The following DCHS2 variants were observed in gnomAD, a reference collection of about 807,000 sequenced individuals.
The protein encoded by DCHS2 is protocadherin-23.
A neutral mutation model predicts 182.4 loss-of-function variants in DCHS2; 142 were observed. The ratio of observed to expected loss-of-function variants is 0.78; its 90% CI spans 0.68 to 0.89. The LOEUF (loss-of-function observed/expected upper bound fraction) is 0.89. Among genes scored for constraint, DCHS2 ranks in the 40% least tolerant of loss-of-function variants. The probability of loss-of-function intolerance (pLI) is 0.00; values close to 1 mark genes in which losing one functional copy is unlikely to be tolerated. For synonymous variants in DCHS2, 1,740 were observed against 1,663.3 expected (o/e 1.05, Z -1.12); for missense variants, 4,319 against 4,198.6 (o/e 1.03, Z -0.79).
chr4:154,382,347 A>C (rs1031833025), intron 1 of DCHS2, among the ~76,000 whole-genome samples: 4 of 152,004 alleles, frequency 2.6e-5, no homozygotes, highest in African/African-American at 9.7e-5. Flanking sequence ...CAAATATTTA[A>C]ATGGATTAAA....
chr4:154,266,566 G>C (rs774812872), intron 14 of DCHS2, among the ~76,000 whole-genome samples: 4 of 150,730 alleles, frequency 2.7e-5, no homozygotes, highest in Non-Finnish European at 5.9e-5. Flanking sequence ...TGATGCAGGA[G>C]AATCGCTTGA....
intron 13 of DCHS2, among the ~76,000 whole-genome samples, chr4:154,280,411 A>G (rs898419676): frequency 1.3e-5 from 2 of 152,154 alleles, no homozygotes; most frequent in African/African-American, 2.4e-5. Context: ...TCAGACAAAG[A>G]TACTAAAAAG....
chr4:154,388,930 A>G (rs945568767), intron 1 of DCHS2, among the ~76,000 whole-genome samples: 1 of 152,160 alleles, frequency 6.6e-6, no homozygotes. Flanking sequence ...TCTTCACAGT[A>G]CTGGGTTCTT....
intron 2 of DCHS2, 53 bp from the exon 3 acceptor site, chr4:154,366,494 T>C (rs1730368932): frequency 2.5e-6 from 3 of 1,201,592 alleles, no homozygotes; most frequent in Admixed American, 1.9e-5. Flanking sequence ...AACACTAGGA[T>C]GTAGAATAAT....
At chr4:154,312,959 T>G (rs1735722228) in intron 10 of DCHS2, among the ~76,000 whole-genome samples, 1 of 152,184 alleles carries the variant, frequency 6.6e-6, no homozygotes, top group South Asian at 2.1e-4. Context: ...TGGCTCCAAG[T>G]GTAGACTTAG....
intron 1 of DCHS2, among the ~76,000 whole-genome samples, chr4:154,487,983 G>A (rs1728647036): frequency 6.6e-6 from 1 of 152,102 alleles, no homozygotes; most frequent in Non-Finnish European, 1.5e-5. Context: ...TTCGAGACCA[G>A]CCTGGGGAAC....
At chr4:154,303,823 T>C (rs952349660) in intron 12 of DCHS2, among the ~76,000 whole-genome samples, 1 of 152,176 alleles carries the variant, frequency 6.6e-6, no homozygotes, top group Non-Finnish European at 1.5e-5. Flanking sequence ...TGTAAATGAT[T>C]CTTATCCACA....
intron 15 of DCHS2, among the ~76,000 whole-genome samples, chr4:154,258,387 T>TTTC (rs2111165646): frequency 6.8e-6 from 1 of 146,674 alleles, no homozygotes; most frequent in African/African-American, 2.5e-5. Context: ...TTTTTTTTTT[T>TTTC]TTTTTGTGAG....
intron 1 of DCHS2, among the ~76,000 whole-genome samples, chr4:154,478,424 C>T (rs1012734281): frequency 1.3e-5 from 2 of 152,086 alleles, no homozygotes; most frequent in African/African-American, 4.8e-5. Flanking sequence ...AAGCATTCAA[C>T]TTTTTACAAG....
intron 16 of DCHS2, among the ~76,000 whole-genome samples, chr4:154,252,529 C>G (rs919767622): frequency 1.3e-5 from 2 of 151,924 alleles, no homozygotes; most frequent in African/African-American, 4.8e-5. Flanking sequence ...TACTCCCTAT[C>G]TGCTTGAGTT....
chr4:154,421,401 A>AATTT (rs776222808), intron 1 of DCHS2, among the ~76,000 whole-genome samples: 54 of 151,710 alleles, frequency 3.6e-4, no homozygotes, highest in African/African-American at 1.3e-3. Context: ...AATTTAATTT[A>AATTT]ATTTATTTAT....
intron 1 of DCHS2, among the ~76,000 whole-genome samples, chr4:154,469,434 A>T (rs988619097): frequency 3.9e-5 from 6 of 152,198 alleles, no homozygotes; most frequent in Non-Finnish European, 8.8e-5. Flanking sequence ...GATTTTCCCC[A>T]TATTAAGACC....
At chr4:154,351,744 G>T (rs372934264) in intron 3 of DCHS2, among the ~76,000 whole-genome samples, 1 of 152,050 alleles carries the variant, frequency 6.6e-6, no homozygotes, top group East Asian at 1.9e-4. Context: ...TCTCCTGCAC[G>T]CACAGTTCAT....
At chr4:154,348,424 T>G (rs1729457881) in intron 3 of DCHS2, among the ~76,000 whole-genome samples, 1 of 151,982 alleles carries the variant, frequency 6.6e-6, no homozygotes, top group African/African-American at 2.4e-5. Flanking sequence ...TATTTTAAGA[T>G]AACATAATTT....
At position 154,333,016 on chromosome 4, in the gene DCHS2, T is replaced by C. The variant is rs376744304; in HGVS notation, c.3192A>G (p.Ala1064=). 5 of 1,614,052 alleles carry C rather than the reference T, an allele frequency of 3.1e-6. No homozygotes were observed. The African/African-American group carries it at 5.3e-5, about 17-fold the overall frequency. Residue 1064 remains alanine (A), a synonymous_variant, in exon 5 of 20, where the codon GCA becomes GCG. Transcript: ENST00000357232. ...RAEDQGVHPQ[A]ALLVLTVVIE... is the part of the protein sequence containing the mutation. Reference sequence around the variant, plus strand: ...TAACGACTGTCAGCACCAGCAGGGCTGCCTGAGGATGCACGCCTTGGTCCT... The same window carrying C: ...TAACGACTGTCAGCACCAGCAGGGCCGCCTGAGGATGCACGCCTTGGTCCT...
At position 154,491,188 on chromosome 4, in the gene DCHS2, C is replaced by G; in HGVS notation, c.168G>C (p.Leu56=). 1.3e-6 allele frequency: 2 copies of G among 1,551,452 alleles called. No homozygotes were observed. Among genetic ancestry groups the G allele is most frequent in the Non-Finnish European group, 8.7e-7 (1 of 1,146,928 alleles). Residue 56 remains leucine, a synonymous_variant, in exon 1 of 20, where the codon CTG becomes CTC. Transcript: ENST00000357232. ...SLLWLLVHVW[L]WAASGSSAQL... ...GGGCAGAGGAGCCCGAGGCCGCCCA[C>G]AGCCACACGTGCACCAAGAGCCAGA...
chr4:154,273,126 A>T (rs895562919), intron 13 of DCHS2, among the ~76,000 whole-genome samples: 3 of 152,162 alleles, frequency 2.0e-5, no homozygotes, highest in African/African-American at 7.2e-5. Flanking sequence ...AAGTCATTAT[A>T]CAAAAAAGAT....
At chr4:154,392,317 CAAAG>C (rs1731744193) in intron 1 of DCHS2, among the ~76,000 whole-genome samples, 1 of 152,100 alleles carries the variant, frequency 6.6e-6, no homozygotes, top group Non-Finnish European at 1.5e-5. Flanking sequence ...TTTTGTAAAA[CAAAG>C]AGATACCCAG....
intron 1 of DCHS2, among the ~76,000 whole-genome samples, chr4:154,440,052 C>A (rs1295047720): frequency 6.6e-6 from 1 of 152,198 alleles, no homozygotes; most frequent in Non-Finnish European, 1.5e-5. Context: ...TCCTAACCAC[C>A]TTCTGGCAAA....
Sources: allele counts gnomAD v4.1 joint callset (sites outside exome capture counted in the v4.1 genomes callset), GRCh38; gene constraint gnomAD v4.1.1; transcripts MANE v1.5; gene names NCBI Gene and HGNC (gene_info 2026-07-23, HGNC 2026-07-21).